BAHD1: variants seen among roughly 807,000 people sequenced by gnomAD.
BAHD1 encodes the protein bromo adjacent homology domain-containing 1 protein.
Under a neutral mutation model 63.1 loss-of-function variants are expected in BAHD1, and 20 were observed. That is an observed-to-expected ratio of 0.32 (90% CI 0.22 to 0.46). BAHD1 has a LOEUF of 0.46. Ranked by LOEUF, BAHD1 falls within the 20% of genes least tolerant of loss-of-function variation. BAHD1 has a pLI of 1.00. For synonymous variants in BAHD1, 408 were observed against 426.8 expected (o/e 0.96, Z 0.54); for missense variants, 939 against 1,071.8 (o/e 0.88, Z 1.73).
intron 1 of BAHD1, chr15:40,443,357 T>C (rs969735346): frequency 1.0e-6 from 1 of 962,014 alleles, no homozygotes; most frequent in African/African-American, 1.8e-5. Flanking sequence ...AGGCTAAAGT[T>C]TGTTCTGAGA....
Position 40,459,360 on chromosome 15 carries a change from C to A in BAHD1, c.896C>A (p.Pro299His). Residue 299 changes from proline (P) to histidine (H), a missense_variant, in exon 2 of 7, where the codon CCC becomes CAC. By Grantham distance (77) the Pro-to-His change is moderately conservative. Transcript: ENST00000416165. Reference sequence around the variant, plus strand: ...CCATCCGTCCAGCCATCTCATCAGCCCCTGAGCAAGGCTCTGGAGAGCCCT... The same window carrying A: ...CCATCCGTCCAGCCATCTCATCAGCACCTGAGCAAGGCTCTGGAGAGCCCT... ...CGPSVQPSHQ[P>H]LSKALESPLG... 6.2e-7 allele frequency: 1 copy of A among 1,612,932 alleles called. No homozygotes were observed. Among genetic ancestry groups the A allele is most frequent in the East Asian group, 2.2e-5 (1 of 44,858 alleles).
chr15:40,450,621 T>C (rs868852357), intron 1 of BAHD1, among the ~76,000 whole-genome samples: 3 of 152,154 alleles, frequency 2.0e-5, no homozygotes, highest in African/African-American at 7.2e-5. Context: ...TTTATTCCTG[T>C]TTTATTTCTC....
At chr15:40,452,488 C>A (rs1893734954) in intron 1 of BAHD1, among the ~76,000 whole-genome samples, 2 of 152,236 alleles carry the variant, frequency 1.3e-5, no homozygotes, top group South Asian at 4.1e-4. Context: ...TTCTCAGAGA[C>A]ACAGAGCTGT....
In BAHD1 at chr15:40,449,297, G is replaced by A. The variant is rs182260748; in HGVS notation, c.-15+8029G>A. 7.3e-3 allele frequency among the ~76,000 whole-genome samples: 1,115 copies of A among 152,310 alleles called. 6 individuals carry two copies. The highest frequency in any genetic ancestry group is 0.021 in the Admixed American group (322 of 15,302). ...CTTTTACAGTAGTCACCTCTGCAGT[G>A]AATCAGAAATTTCCAACCCTGCACA... On this transcript the variant is annotated intron_variant, in intron 1 of 6. Coordinates refer to ENST00000416165, the MANE Select transcript of BAHD1 (RefSeq NM_014952.5).
chr15:40,459,847 C>T lies in BAHD1; in HGVS notation c.1383C>T (p.His461=), dbSNP rs369024568. 5.2e-5 allele frequency: 84 copies of T among 1,606,846 alleles called. No individual in the cohort carries two copies. Among genetic ancestry groups the T allele is most frequent in the Non-Finnish European group, 6.6e-5 (78 of 1,176,092 alleles). ...ICGVLPLSVT[H]AGTTCGGCPY... is the part of the protein sequence containing the mutation. ...GAGTGTTGCCCCTGTCTGTTACCCA[C>T]GCTGGCACTACCTGTGGCGGCTGCC... Residue 461 remains histidine (H), a synonymous_variant, in exon 2 of 7, where the codon CAC becomes CAT. Coordinates refer to ENST00000416165, the MANE Select transcript of BAHD1 (RefSeq NM_014952.5).
At chr15:40,456,935 C>T (rs1387338541) in intron 1 of BAHD1, among the ~76,000 whole-genome samples, 1 of 152,220 alleles carries the variant, frequency 6.6e-6, no homozygotes, top group Admixed American at 6.5e-5. Flanking sequence ...CTGACCACCG[C>T]CCTCTGCAGT....
chr15:40,447,828 A>G (rs1893587071), intron 1 of BAHD1, among the ~76,000 whole-genome samples: 1 of 152,168 alleles, frequency 6.6e-6, no homozygotes, highest in East Asian at 1.9e-4. Flanking sequence ...GGGTAGATGC[A>G]TGGTTGGGGG....
At chr15:40,464,693 G>A in intron 5 of BAHD1, 146 bp downstream of exon 5, 1 of 648,042 alleles carries the variant, frequency 1.5e-6, no homozygotes, top group Non-Finnish European at 2.7e-6. Flanking sequence ...CCTGGGAAAG[G>A]GCCCAGGATT....
intron 1 of BAHD1, among the ~76,000 whole-genome samples, chr15:40,446,916 A>G (rs571448395): frequency 5.1e-4 from 78 of 152,290 alleles, no homozygotes; most frequent in African/African-American, 1.9e-3. Context: ...AGCCTCCATC[A>G]GTGCAGCTTT....
intron 5 of BAHD1, 61 bp downstream of exon 5, chr15:40,464,608 C>A: frequency 6.9e-7 from 1 of 1,439,202 alleles, no homozygotes; most frequent in Non-Finnish European, 9.6e-7. Flanking sequence ...GGTTATGGCA[C>A]TAAGACGTGG....
At chr15:40,441,819 G>T (rs1193488489) in intron 1 of BAHD1, among the ~76,000 whole-genome samples, 1 of 150,438 alleles carries the variant, frequency 6.6e-6, no homozygotes, top group African/African-American at 2.4e-5. Flanking sequence ...GCCCTCCCGC[G>T]CTGGGAGCTG....
chr15:40,443,817 C>G (rs1301559917), intron 1 of BAHD1, among the ~76,000 whole-genome samples: 4 of 152,124 alleles, frequency 2.6e-5, no homozygotes, highest in Non-Finnish European at 4.4e-5. Context: ...CACAGACTTG[C>G]AATGGCTCCC....
chr15:40,461,911 G>C lies in BAHD1; in HGVS notation c.1433-1G>C. 1 of 1,588,874 alleles carries C rather than the reference G, an allele frequency of 6.3e-7. No individual in the cohort carries two copies. Among genetic ancestry groups the C allele is most frequent in the Non-Finnish European group, 8.6e-7 (1 of 1,163,770 alleles). On this transcript the variant is annotated splice_acceptor_variant, in intron 2 of 6. Transcript: ENST00000416165. LOFTEE classifies it high-confidence loss of function. The stretch of plus-strand genomic sequence containing the variant: ...TCCTGACCACTCTCTCCCTTTCCTA[G>C]AAGGCTGCAGATCCCTGGGCCAGTT...
In BAHD1 at chr15:40,459,263, G is replaced by T; in HGVS notation, c.799G>T (p.Gly267Trp). Residue 267 changes from glycine (G) to tryptophan (W), a missense_variant, in exon 2 of 7, where the codon GGG becomes TGG. Gly to Trp is a radical substitution (Grantham distance 184). This residue lies in a region of BAHD1 where 797 missense variants were observed against 813.3 expected (regional missense o/e 0.98). Coordinates refer to ENST00000416165, the MANE Select transcript of BAHD1 (RefSeq NM_014952.5). Reference sequence around the variant, plus strand: ...CAAGGCTTGGCAGGGGGCCAGCTCTGGGGAGGCTGCAGGCCCACCTGGCTG... The same window carrying T: ...CAAGGCTTGGCAGGGGGCCAGCTCTTGGGAGGCTGCAGGCCCACCTGGCTG... ...YPKAWQGASSGEAAGPPGWQG... is the reference protein window; with the variant it reads ...YPKAWQGASSWEAAGPPGWQG... The T allele has an allele frequency of 6.2e-7, 1 of 1,612,744 alleles. No individual in the cohort carries two copies. Among genetic ancestry groups the T allele is most frequent in the Non-Finnish European group, 8.5e-7 (1 of 1,179,854 alleles).
chr15:40,444,409 A>G (rs1050769993), intron 1 of BAHD1, among the ~76,000 whole-genome samples: 3 of 152,208 alleles, frequency 2.0e-5, no homozygotes, highest in Non-Finnish European at 2.9e-5. Context: ...CCATATAGAC[A>G]TTGGAAAAGG....
chr15:40,441,495 G>A (rs1049373337), intron 1 of BAHD1, among the ~76,000 whole-genome samples: 1 of 150,914 alleles, frequency 6.6e-6, no homozygotes, highest in Non-Finnish European at 1.5e-5. Flanking sequence ...CCTGGGTCCG[G>A]CACCACGGTC....
rs1302790927 is a variant in BAHD1, at chr15:40,462,227, G to A, written c.1748G>A (p.Arg583His). 2.5e-6 allele frequency: 4 copies of A among 1,611,176 alleles called. No homozygotes were observed. Among genetic ancestry groups the A allele is most frequent in the South Asian group, 1.1e-5 (1 of 90,938 alleles). Residue 583 changes from arginine to histidine, a missense_variant, in exon 3 of 7, where the codon CGC (arginine) becomes CAC (histidine). Arg to His is a conservative substitution (Grantham distance 29). Coordinates refer to ENST00000416165, the MANE Select transcript of BAHD1 (RefSeq NM_014952.5). The stretch of plus-strand genomic sequence containing the variant: ...GTCCAGCGCCCACGCCCTCGCCGCC[G>A]CCGTCGCCGCCGCACTAATGGCTGG... ...PRVQRPRPRR[R>H]RRRRTNGWVP...
chr15:40,447,768 A>T (rs1252039600), intron 1 of BAHD1, among the ~76,000 whole-genome samples: 1 of 152,144 alleles, frequency 6.6e-6, no homozygotes, highest in Non-Finnish European at 1.5e-5. Flanking sequence ...TTTAGTCTTC[A>T]TTGCAGTCTG....
upstream of BAHD1, among the ~76,000 whole-genome samples, chr15:40,440,539 G>T (rs1893368083): frequency 1.3e-5 from 2 of 150,294 alleles, no homozygotes; most frequent in East Asian, 3.9e-4. Flanking sequence ...GATGCGGAGG[G>T]GTGATGGCCA....
Sources: allele counts gnomAD v4.1 joint callset (sites outside exome capture counted in the v4.1 genomes callset), GRCh38; gene constraint gnomAD v4.1.1; regional missense constraint gnomAD v4.1.1; transcripts MANE v1.5; gene names NCBI Gene and HGNC (gene_info 2026-07-23, HGNC 2026-07-21).